The following TMEM114 variants were observed in gnomAD, a reference collection of about 807,000 sequenced individuals.
TMEM114 encodes claudin-26.
A neutral mutation model predicts 6.2 loss-of-function variants in TMEM114; 6 were observed. The observed-to-expected ratio is 0.97, with a 90% CI of 0.53 to 1.91. The LOEUF is 1.91. TMEM114 is among the 40% of genes most tolerant of loss of function. The probability of loss-of-function intolerance (pLI) is 0.01; values close to 1 mark genes in which losing one functional copy is unlikely to be tolerated. For synonymous variants in TMEM114, 104 were observed against 73.0 expected, an observed-to-expected ratio of 1.42 and a Z score of -2.16; for missense variants, 218 against 158.3, an observed-to-expected ratio of 1.38 and a Z score of -2.02.
intron 2 of TMEM114, among the ~76,000 whole-genome samples, chr16:8,582,181 C>T (rs200162456): frequency 3.3e-5 from 5 of 152,196 alleles, no homozygotes; most frequent in Non-Finnish European, 4.4e-5. Context: ...GCTTCCACCG[C>T]GGGCATGCTG....
At chr16:8,534,556 G>C (rs1567191758), downstream of TMEM114, among the ~76,000 whole-genome samples, 1 of 152,098 alleles carries the variant, frequency 6.6e-6, no homozygotes, top group Non-Finnish European at 1.5e-5. Flanking sequence ...CTTTTCCTTT[G>C]GCAGTGAAAG....
At chr16:8,557,594 G>C (rs1000645745) in intron 2 of TMEM114, among the ~76,000 whole-genome samples, 1 of 152,192 alleles carries the variant, frequency 6.6e-6, no homozygotes, top group Non-Finnish European at 1.5e-5. Context: ...TTATTAGGCA[G>C]CTACGAAGAA....
At chr16:8,546,092 G>T (rs1292628561) in intron 2 of TMEM114, among the ~76,000 whole-genome samples, 2 of 152,012 alleles carry the variant, frequency 1.3e-5, no homozygotes. Flanking sequence ...TCCAGCCTGG[G>T]AACAGAGCAA....
chr16:8,528,433 C>G, the TMEM114 span, among the ~76,000 whole-genome samples: 9 of 152,110 alleles, frequency 5.9e-5, no homozygotes, highest in African/African-American at 1.7e-4. Context: ...GACCTGCTCC[C>G]CCAAACATAG....
chr16:8,548,294 G>T (rs919227215), intron 2 of TMEM114, among the ~76,000 whole-genome samples: 1 of 152,166 alleles, frequency 6.6e-6, no homozygotes, highest in African/African-American at 2.4e-5. Context: ...TTCATTTGAA[G>T]GGTCTGGCAG....
At chr16:8,530,615 T>A in the TMEM114 span, among the ~76,000 whole-genome samples, 1 of 136,760 alleles carries the variant, frequency 7.3e-6, no homozygotes, top group Non-Finnish European at 1.6e-5. Context: ...GAAGGGAAGG[T>A]GGGATGGATG....
chr16:8,530,644 C>G, the TMEM114 span, among the ~76,000 whole-genome samples: 1 of 147,548 alleles, frequency 6.8e-6, no homozygotes, highest in Non-Finnish European at 1.5e-5. Context: ...TAAGGGGGGA[C>G]GGATGAAGAG....
At chr16:8,564,709 ATGAG>A (rs1901465781), downstream of TMEM114, among the ~76,000 whole-genome samples, 1 of 47,314 alleles carries the variant, frequency 2.1e-5, no homozygotes, top group African/African-American at 8.7e-5. Flanking sequence ...GAGTGAGTGA[ATGAG>A]TGAGTAAATG....
intron 2 of TMEM114, among the ~76,000 whole-genome samples, chr16:8,574,326 T>G (rs547675151): frequency 5.8e-4 from 89 of 152,318 alleles, no homozygotes; most frequent in Non-Finnish European, 8.5e-4. Context: ...TGTGCAGTGT[T>G]GCGTCCCGTA....
chr16:8,548,215 C>G (rs572771128), intron 2 of TMEM114, among the ~76,000 whole-genome samples: 2 of 152,270 alleles, frequency 1.3e-5, no homozygotes, highest in African/African-American at 2.4e-5. Flanking sequence ...GCCTCTCCAC[C>G]CCTGGATTTT....
chr16:8,561,990 A>ATGAGTGAGTG (rs1901236139), intron 2 of TMEM114, among the ~76,000 whole-genome samples: 1 of 148,918 alleles, frequency 6.7e-6, no homozygotes, highest in East Asian at 2.0e-4. Flanking sequence ...ATGAGTGAGT[A>ATGAGTGAGTG]TATGAATGAG....
chr16:8,527,482 T>C, the TMEM114 span, among the ~76,000 whole-genome samples: 4 of 152,296 alleles, frequency 2.6e-5, no homozygotes, highest in South Asian at 8.3e-4. Flanking sequence ...GTGGATTTGC[T>C]GTGAGCACAA....
At chr16:8,573,064 G>A (rs1901789331) in intron 2 of TMEM114, among the ~76,000 whole-genome samples, 1 of 152,192 alleles carries the variant, frequency 6.6e-6, no homozygotes, top group African/African-American at 2.4e-5. Context: ...CAAGCTTTCT[G>A]GGTTTTGTTT....
At chr16:8,583,875 C>A (rs889477101) in intron 2 of TMEM114, among the ~76,000 whole-genome samples, 2 of 152,158 alleles carry the variant, frequency 1.3e-5, no homozygotes, top group Non-Finnish European at 2.9e-5. Context: ...ATCATGTGAC[C>A]AATCCTCCCC....
the TMEM114 span, among the ~76,000 whole-genome samples, chr16:8,527,620 C>T: frequency 6.6e-6 from 1 of 152,182 alleles, no homozygotes; most frequent in Non-Finnish European, 1.5e-5. Context: ...TACTAAGCCC[C>T]TTTCTTGTTC....
downstream of TMEM114, among the ~76,000 whole-genome samples, chr16:8,564,745 ATGAGTGAATGAG>A (rs1208566591): frequency 3.3e-5 from 3 of 92,108 alleles, no homozygotes; most frequent in Non-Finnish European, 4.6e-5. Context: ...GAGGGAGGGA[ATGAGTGAATGAG>A]TGAGTGAATG....
downstream of TMEM114, among the ~76,000 whole-genome samples, chr16:8,566,862 C>T (rs182350795): frequency 6.6e-6 from 1 of 150,590 alleles, no homozygotes; most frequent in African/African-American, 2.4e-5. Context: ...CCTGGAGTCA[C>T]ATCTCTACCA....
the TMEM114 span, among the ~76,000 whole-genome samples, chr16:8,527,736 C>T: frequency 6.6e-6 from 1 of 152,102 alleles, no homozygotes; most frequent in African/African-American, 2.4e-5. Flanking sequence ...TGTCCAAAGC[C>T]ACAAGCTGCA....
the TMEM114 span, among the ~76,000 whole-genome samples, chr16:8,527,895 G>C: frequency 3.2e-4 from 48 of 152,218 alleles, no homozygotes; most frequent in Non-Finnish European, 6.8e-4. Context: ...TTTCATGATA[G>C]TTTCTTCTTT....
Sources: gnomAD v4.1 joint callset for allele counts (sites outside exome capture counted in the v4.1 genomes callset) on GRCh38, gnomAD v4.1.1 for gene constraint, MANE v1.5 for transcripts, NCBI Gene and HGNC (gene_info 2026-07-23, HGNC 2026-07-21) for gene names.